LRRC7: variants seen among roughly 807,000 people sequenced by gnomAD.
LRRC7 encodes leucine rich repeat containing 7, also known as leucine-rich repeat-containing protein 7.
LRRC7 carries 23 observed loss-of-function variants against 175.7 expected under a neutral mutation model. That is an observed-to-expected ratio of 0.13 (90% CI 0.09 to 0.19). The LOEUF (loss-of-function observed/expected upper bound fraction) is 0.19. Ranked by LOEUF, LRRC7 falls within the 10% of genes least tolerant of loss-of-function variation. The pLI is 1.00. For synonymous variants in LRRC7, 685 were observed against 680.9 expected (o/e 1.01, Z -0.09); for missense variants, 1,354 against 1,904.7 (o/e 0.71, Z 5.38).
chr1:69,575,584 T>C (rs543029521), intron 1 of LRRC7, among the ~76,000 whole-genome samples: 2 of 152,300 alleles, frequency 1.3e-5, no homozygotes, highest in South Asian at 4.1e-4. Context: ...GTGGAATTAA[T>C]TTTCACTAAT....
chr1:70,004,213 C>T (rs566170230), intron 11 of LRRC7, among the ~76,000 whole-genome samples: 2 of 152,072 alleles, frequency 1.3e-5, no homozygotes, highest in East Asian at 1.9e-4. Context: ...CAGCATAGGC[C>T]GTGAGATTTG....
intron 25 of LRRC7, among the ~76,000 whole-genome samples, chr1:70,105,766 CAGTTATATCCTTA>C (rs1471434827): frequency 6.6e-6 from 1 of 151,980 alleles, no homozygotes; most frequent in South Asian, 2.1e-4. Flanking sequence ...CATATTTGTC[CAGTTATATCCTTA>C]AGTCCTAGAA....
intron 6 of LRRC7, 39 bp from the exon 7 acceptor site, chr1:69,838,188 G>T (rs745941631): frequency 2.7e-6 from 4 of 1,470,122 alleles, no homozygotes; most frequent in East Asian, 2.3e-5. Flanking sequence ...TTTTTAGACA[G>T]ACATACTAAG....
chr1:69,638,018 C>T (rs1285822124), intron 1 of LRRC7, among the ~76,000 whole-genome samples: 2 of 151,670 alleles, frequency 1.3e-5, no homozygotes, highest in Non-Finnish European at 2.9e-5. Flanking sequence ...TGAAGTGAGT[C>T]TTGATGAGCA....
chr1:69,704,350 T>C (rs1259061517), intron 2 of LRRC7, among the ~76,000 whole-genome samples: 4 of 152,034 alleles, frequency 2.6e-5, no homozygotes, highest in African/African-American at 7.2e-5. Flanking sequence ...CCATGATATG[T>C]GCACAGTTTT....
At position 70,036,460 on chromosome 1, in the gene LRRC7, T is replaced by C. The variant is rs1288382413; in HGVS notation, c.2124T>C (p.Ser708=). The change falls in exon 20 of 27, where the codon TCT becomes TCC. Residue 708 remains serine (S), a synonymous_variant. Transcript: ENST00000651989. ...GKDKKESTDE[S]EVDKTHCLNN... ...AAATTTCAGAATCAACTGATGAGTCTGAAGTTGACAAAACTCACTGTCTGA... is the reference window on the plus strand; with the variant it reads ...AAATTTCAGAATCAACTGATGAGTCCGAAGTTGACAAAACTCACTGTCTGA... 6.2e-7 allele frequency: 1 copy of C among 1,613,098 alleles called. No individual in the cohort carries two copies. The highest frequency in any genetic ancestry group is 8.5e-7 in the Non-Finnish European group (1 of 1,179,618).
intron 7 of LRRC7, among the ~76,000 whole-genome samples, chr1:69,923,718 G>C (rs12041937): frequency 0.048 from 7,353 of 151,900 alleles, 222 homozygotes; most frequent in East Asian, 0.15. Flanking sequence ...TGTCAGATGA[G>C]TAGGTTGCGA....
chr1:69,625,762 G>C (rs959018774), intron 1 of LRRC7, among the ~76,000 whole-genome samples: 2 of 151,828 alleles, frequency 1.3e-5, no homozygotes, highest in African/African-American at 4.8e-5. Flanking sequence ...TTGATCCGGG[G>C]GCTGTTTAGA....
chr1:69,931,652 T>A, intron 8 of LRRC7, 82 bp downstream of exon 8: 1 of 1,099,680 alleles, frequency 9.1e-7, no homozygotes, highest in Non-Finnish European at 1.4e-6. Flanking sequence ...ACCAAGGTAT[T>A]AACTTGATTG....
Position 70,099,041 on chromosome 1 carries a change from T to A in LRRC7, c.4546-8711T>A, listed in dbSNP as rs1395289830. Among the ~76,000 whole-genome samples, 5 of 151,152 alleles carry A rather than the reference T, an allele frequency of 3.3e-5. No individual in the cohort carries two copies. In the East Asian group the frequency reaches 9.7e-4, roughly 29 times the overall value. On this transcript the variant is annotated intron_variant, in intron 25 of 26. Transcript: ENST00000651989. ...CACAAAAGAGAATTTTAGACCAATATCCTTGATGAACATTGATGCAAAAAT... is the reference window on the plus strand; with the variant it reads ...CACAAAAGAGAATTTTAGACCAATAACCTTGATGAACATTGATGCAAAAAT...
intron 7 of LRRC7, among the ~76,000 whole-genome samples, chr1:69,851,062 G>T (rs1682924965): frequency 6.6e-6 from 1 of 152,004 alleles, no homozygotes. Flanking sequence ...CCAACTGCAG[G>T]TAGTGCCACT....
chr1:69,683,172 A>G (rs1252129756), intron 2 of LRRC7, among the ~76,000 whole-genome samples: 1 of 152,152 alleles, frequency 6.6e-6, no homozygotes, highest in Admixed American at 6.6e-5. Flanking sequence ...ATCTAGATTC[A>G]AAATTCATAA....
At chr1:69,939,922 GT>G (rs1648537427) in intron 8 of LRRC7, among the ~76,000 whole-genome samples, 1 of 152,088 alleles carries the variant, frequency 6.6e-6, no homozygotes, top group African/African-American at 2.4e-5. Flanking sequence ...ATAGTTAGCT[GT>G]CTTTTGAAGC....
chr1:69,829,493 T>A (rs1680295958), intron 5 of LRRC7, among the ~76,000 whole-genome samples: 1 of 151,866 alleles, frequency 6.6e-6, no homozygotes, highest in African/African-American at 2.4e-5. Context: ...TTCTGACTAT[T>A]TTGAAATGTA....
chr1:69,751,221 C>T (rs1287033639), intron 2 of LRRC7, among the ~76,000 whole-genome samples: 2 of 152,120 alleles, frequency 1.3e-5, no homozygotes, highest in Non-Finnish European at 2.9e-5. Context: ...ATGCTCATCT[C>T]TCTTACTATC....
chr1:70,082,579 G>A (rs1191795264), intron 24 of LRRC7, among the ~76,000 whole-genome samples: 2 of 151,946 alleles, frequency 1.3e-5, no homozygotes, highest in Non-Finnish European at 2.9e-5. Context: ...TTTCAATGTT[G>A]CACTAAATAC....
At chr1:69,733,508 G>A (rs1365762167) in intron 2 of LRRC7, among the ~76,000 whole-genome samples, 1 of 151,998 alleles carries the variant, frequency 6.6e-6, no homozygotes, top group Admixed American at 6.6e-5. Flanking sequence ...CATTAACTGA[G>A]TACCTGATTC....
intron 2 of LRRC7, among the ~76,000 whole-genome samples, chr1:69,753,781 T>C (rs984034612): frequency 2.6e-5 from 4 of 152,050 alleles, no homozygotes; most frequent in African/African-American, 9.7e-5. Context: ...TTCAATCTAG[T>C]AAAGAAGATT....
chr1:69,834,059 T>A (rs181562682), intron 5 of LRRC7, among the ~76,000 whole-genome samples: 1 of 152,150 alleles, frequency 6.6e-6, no homozygotes, highest in African/African-American at 2.4e-5. Context: ...TCCTGAGAAA[T>A]CCTTGAGTTA....
Sources: gnomAD v4.1 joint callset for allele counts (sites outside exome capture counted in the v4.1 genomes callset) on GRCh38, gnomAD v4.1.1 for gene constraint, MANE v1.5 for transcripts, NCBI Gene and HGNC (gene_info 2026-07-23, HGNC 2026-07-21) for gene names.